ZNF799: variants seen among roughly 807,000 people sequenced by gnomAD.
The protein encoded by ZNF799 is zinc finger protein 14.
In ZNF799, 28 loss-of-function variants were observed where a neutral mutation model predicts 41.0. That is an observed-to-expected ratio of 0.68 (90% CI 0.51 to 0.94). ZNF799 has a LOEUF of 0.94. Ranked by LOEUF, ZNF799 falls within the 40% of genes least tolerant of loss-of-function variation. ZNF799 has a pLI of 0.00. For missense variants in ZNF799, 716 were observed against 764.3 expected (o/e 0.94, Z 0.74); for synonymous variants, 213 against 252.9 (o/e 0.84, Z 1.50).
Position 12,392,004 on chromosome 19 carries a change from C to T in ZNF799, c.394G>A (p.Glu132Lys). 2.5e-6 allele frequency: 4 copies of T among 1,614,178 alleles called. No individual in the cohort carries two copies. The highest frequency in any genetic ancestry group is 3.4e-6 in the Non-Finnish European group (4 of 1,180,012). ...GGCTTCTCTCCACATTCATGATACT[C>T]ATATGGTTTGTGCCCAGCACCAACT... Reference protein sequence around the residue: ...IRVGAGHKPYEYHECGEKPDT... With the variant: ...IRVGAGHKPYKYHECGEKPDT... The change falls in exon 4 of 4, where the codon GAG becomes AAG. Residue 132 changes from glutamate to lysine, a missense_variant. Physicochemically the swap from Glu to Lys is moderately conservative, Grantham distance 56. Around this residue, in one of 2 missense-constraint regions of ZNF799, gnomAD observed 698 missense variants for 713.6 expected, o/e 0.98. Coordinates refer to ENST00000430385, the MANE Select transcript of ZNF799 (RefSeq NM_001080821.3).
At chr19:12,413,047 CAA>C in the ZNF799 span, among the ~76,000 whole-genome samples, 74 of 62,886 alleles carry the variant, frequency 1.2e-3, no homozygotes, top group African/African-American at 3.8e-3. Context: ...ACTCCGTCTC[CAA>C]AAAAAAAAAA....
At chr19:12,411,102 A>G in the ZNF799 span, among the ~76,000 whole-genome samples, 1 of 152,230 alleles carries the variant, frequency 6.6e-6, no homozygotes, top group Non-Finnish European at 1.5e-5. Context: ...TAGACAGATG[A>G]TACAGACATA....
At chr19:12,396,421 G>A (rs1371659308) in intron 1 of ZNF799, among the ~76,000 whole-genome samples, 2 of 152,212 alleles carry the variant, frequency 1.3e-5, no homozygotes, top group African/African-American at 4.8e-5. Context: ...AGGCCAAGGT[G>A]TGTGGATCAC....
intron 3 of ZNF799, 47 bp downstream of exon 3, chr19:12,392,556 T>C: frequency 1.3e-6 from 2 of 1,482,462 alleles, no homozygotes; most frequent in African/African-American, 1.4e-5. Context: ...CATATCATTC[T>C]CAGAACGGCT....
At chr19:12,405,579 T>A (rs1970023977), upstream of ZNF799, among the ~76,000 whole-genome samples, 1 of 152,208 alleles carries the variant, frequency 6.6e-6, no homozygotes, top group South Asian at 2.1e-4. Flanking sequence ...TTGTTTCATC[T>A]TCTTCTTTAC....
chr19:12,396,636 C>T (rs1301206601), intron 1 of ZNF799, among the ~76,000 whole-genome samples: 2 of 151,754 alleles, frequency 1.3e-5, no homozygotes, highest in Admixed American at 6.6e-5. Context: ...GCAACAAGAG[C>T]GAACCTCTGT....
chr19:12,404,714 T>C (rs1429183593), upstream of ZNF799, among the ~76,000 whole-genome samples: 5 of 152,210 alleles, frequency 3.3e-5, no homozygotes, highest in Non-Finnish European at 7.3e-5. Flanking sequence ...GGCTCTCTGT[T>C]CTATATCATC....
Position 12,390,390 on chromosome 19 carries a change from T to A in ZNF799, c.*76A>T, listed in dbSNP as rs1004716024. ...TTACATTCACAGGGTCTATCTCCAATGTGTTTCGTACAAGTATCTGAAATG... is the reference window on the plus strand; with the variant it reads ...TTACATTCACAGGGTCTATCTCCAAAGTGTTTCGTACAAGTATCTGAAATG... On this transcript the variant is annotated 3_prime_UTR_variant, in exon 4 of 4. Transcript: ENST00000430385. 6.2e-7 allele frequency: 1 copy of A among 1,600,270 alleles called. No homozygotes were observed. Among genetic ancestry groups the A allele is most frequent in the Non-Finnish European group, 8.5e-7 (1 of 1,173,292 alleles).
chr19:12,401,216 A>G lies in ZNF799; in HGVS notation c.-146T>C. On this transcript the variant is annotated 5_prime_UTR_variant, in exon 1 of 4. Coordinates refer to ENST00000430385, the MANE Select transcript of ZNF799 (RefSeq NM_001080821.3). ...GAGCGCCCAGCGCAGGTGGGTGGAG[A>G]AGACGCCGCGGGCTTTTTCAACCAC... is the stretch of plus-strand genomic sequence containing the variant. The G allele has an allele frequency of 6.6e-7, 1 of 1,511,734 alleles. No homozygotes were observed. Among genetic ancestry groups the G allele is most frequent in the Non-Finnish European group, 8.9e-7 (1 of 1,129,354 alleles). The allele number at this position is 1,511,734 out of a possible 1,614,324, so 93.6% of individuals were successfully genotyped here.
rs1458526695 is a variant in ZNF799, at chr19:12,390,553, G to A, written c.1845C>T (p.His615=). ...RHKKTHWKKT[H]TGENPYGCKE... ...TACATCCATACGGGTTCTCTCCAGT[G>A]TGAGTTTTTTTCCAGTGAGTCTTTT... The change falls in exon 4 of 4, where the codon CAC becomes CAT. Residue 615 remains histidine, a synonymous_variant. Coordinates refer to ENST00000430385, the MANE Select transcript of ZNF799 (RefSeq NM_001080821.3). 6.2e-7 allele frequency: 1 copy of A among 1,612,668 alleles called. No homozygotes were observed. The highest frequency in any genetic ancestry group is 8.5e-7 in the Non-Finnish European group (1 of 1,179,370).
the ZNF799 span, among the ~76,000 whole-genome samples, chr19:12,406,749 A>C: frequency 6.6e-6 from 1 of 151,118 alleles, no homozygotes; most frequent in Non-Finnish European, 1.5e-5. Context: ...AAATACAAAA[A>C]ATTAGCTGGA....
At chr19:12,392,262 T>C (rs1568501951) in intron 3 of ZNF799, 56 bp from the exon 4 acceptor site, 42 of 1,508,358 alleles carry the variant, frequency 2.8e-5, no homozygotes, top group Middle Eastern at 1.8e-4. Flanking sequence ...ATTGTATAGG[T>C]ATTAATAAGT....
At chr19:12,392,245 A>G (rs192435435) in intron 3 of ZNF799, 39 bp from the exon 4 acceptor site, 2 of 1,520,674 alleles carry the variant, frequency 1.3e-6, no homozygotes, top group African/African-American at 2.8e-5. Flanking sequence ...AAGTCGGTCT[A>G]TAAATAATTG....
rs572675175 is a variant in ZNF799, at chr19:12,401,161, G to C, written c.-91C>G. On this transcript the variant is annotated 5_prime_UTR_variant, in exon 1 of 4. Transcript: ENST00000430385. ...GACACAGGCTGCCACGGAACTTCCA[G>C]GTCGTCTCTTAGCTACAGAGCCGAG... The C allele has an allele frequency of 4.7e-5, 75 of 1,608,276 alleles. No homozygotes were observed. Among genetic ancestry groups the C allele is most frequent in the Non-Finnish European group, 6.1e-5 (72 of 1,178,146 alleles).
At chr19:12,395,331 G>C (rs948561984) in intron 1 of ZNF799, among the ~76,000 whole-genome samples, 1 of 151,930 alleles carries the variant, frequency 6.6e-6, no homozygotes, top group Admixed American at 6.6e-5. Context: ...TACTAGAGAC[G>C]GGGTTTCACC....
chr19:12,406,622 C>A, the ZNF799 span, among the ~76,000 whole-genome samples: 1 of 151,998 alleles, frequency 6.6e-6, no homozygotes, highest in African/African-American at 2.4e-5. Flanking sequence ...AAGTAGAGGC[C>A]TGGCGCGGTG....
chr19:12,390,225 T>C lies in ZNF799; in HGVS notation c.*241A>G. 2 of 713,286 alleles carry C rather than the reference T, an allele frequency of 2.8e-6. No homozygotes were observed. Among genetic ancestry groups the C allele is most frequent in the Non-Finnish European group, 4.6e-6 (2 of 436,026 alleles). The allele number at this position is 713,286 out of a possible 1,614,324, so 44.2% of individuals were successfully genotyped here. A position where few individuals can be genotyped will look rare whatever the true frequency, so the allele number is the denominator to read the frequency against. Reference sequence around the variant, plus strand: ...ATAATTGAGAGTATACAAGAGGATGTGGGTAAGTTACATACAAATATGTCA... The same window carrying C: ...ATAATTGAGAGTATACAAGAGGATGCGGGTAAGTTACATACAAATATGTCA... On this transcript the variant is annotated 3_prime_UTR_variant, in exon 4 of 4. Transcript: ENST00000430385.
intron 1 of ZNF799, among the ~76,000 whole-genome samples, chr19:12,400,170 C>G (rs541518112): frequency 6.6e-6 from 1 of 152,096 alleles, no homozygotes; most frequent in Admixed American, 6.5e-5. Context: ...ACCCTGCTAA[C>G]CACATCTTTG....
chr19:12,391,612 G>C lies in ZNF799; in HGVS notation c.786C>G (p.Phe262Leu), dbSNP rs554916080. 2.5e-6 allele frequency: 4 copies of C among 1,613,658 alleles called. No individual in the cohort carries two copies. In the East Asian group the frequency reaches 8.9e-5, roughly 36 times the overall value. The change falls in exon 4 of 4, where the codon TTC becomes TTG. Residue 262 changes from phenylalanine to leucine, a missense_variant. Phe to Leu is a conservative substitution (Grantham distance 22). This residue lies in a region of ZNF799 where 698 missense variants were observed against 713.6 expected (regional missense o/e 0.98). Coordinates refer to ENST00000430385, the MANE Select transcript of ZNF799 (RefSeq NM_001080821.3). ...LYECKQCSKA[F>L]PDYSSCLRHE... ...GTCTTAGACAAGAACTGTAATCAGG[G>C]AAGGCTTTAGAACACTGTTTACATT...
Sources: allele counts gnomAD v4.1 joint callset (sites outside exome capture counted in the v4.1 genomes callset), GRCh38; gene constraint gnomAD v4.1.1; regional missense constraint gnomAD v4.1.1; transcripts MANE v1.5; gene names NCBI Gene and HGNC (gene_info 2026-07-23, HGNC 2026-07-21).